Variants in ANKS1B observed in about 807,000 individuals in gnomAD.
The protein encoded by ANKS1B is ankyrin repeat and sterile alpha motif domain containing 1B.
Under a neutral mutation model 148.3 loss-of-function variants are expected in ANKS1B, and 36 were observed. The ratio of observed to expected loss-of-function variants is 0.24; its 90% CI spans 0.19 to 0.32. ANKS1B has a LOEUF of 0.32. Ranked by LOEUF, ANKS1B falls within the 10% of genes least tolerant of loss-of-function variation. ANKS1B has a pLI of 1.00. For missense variants in ANKS1B, 1,157 were observed against 1,542.6 expected (o/e 0.75, Z 4.19); for synonymous variants, 542 against 560.8 (o/e 0.97, Z 0.47).
intron 10 of ANKS1B, among the ~76,000 whole-genome samples, chr12:99,469,691 A>G (rs1392686747): frequency 1.3e-5 from 2 of 152,210 alleles, no homozygotes; most frequent in Non-Finnish European, 2.9e-5. Flanking sequence ...AATACTGATG[A>G]GAACAAAATT....
At chr12:99,286,923 G>A (rs1353182963) in intron 12 of ANKS1B, among the ~76,000 whole-genome samples, 1 of 152,178 alleles carries the variant, frequency 6.6e-6, no homozygotes, top group African/African-American at 2.4e-5. Context: ...CCTAACTCTA[G>A]ACCTGGGCTC....
Position 99,433,881 on chromosome 12 carries a change from T to C in ANKS1B, c.1575+9792A>G, listed in dbSNP as rs2668184. ...TCAGTGAAATTCCAAAAGTTCTCTA[T>C]TTAGAGCACAGTCTCCTTTGGTTGG... On this transcript the variant is annotated intron_variant, in intron 11 of 26. Transcript: ENST00000683438. 6.1e-3 allele frequency among the ~76,000 whole-genome samples: 930 copies of C among 152,256 alleles called. 4 individuals are homozygous for C. Among genetic ancestry groups the C allele is most frequent in the Middle Eastern group, 0.037 (11 of 294 alleles).
intron 14 of ANKS1B, among the ~76,000 whole-genome samples, chr12:99,219,930 T>A (rs571692916): frequency 4.6e-5 from 7 of 152,360 alleles, no homozygotes; most frequent in Admixed American, 1.3e-4. Context: ...TCAAATATTT[T>A]AAAAGTATTG....
At chr12:99,542,852 C>A (rs917417377) in intron 9 of ANKS1B, among the ~76,000 whole-genome samples, 1 of 151,920 alleles carries the variant, frequency 6.6e-6, no homozygotes, top group Admixed American at 6.6e-5. Context: ...ATGAATCAAA[C>A]GCCTAAACGA....
intron 10 of ANKS1B, among the ~76,000 whole-genome samples, chr12:99,454,781 C>T (rs2095818316): frequency 6.6e-6 from 1 of 152,184 alleles, no homozygotes. Flanking sequence ...CCTTCCTCCT[C>T]CCAGGATGAT....
intron 8 of ANKS1B, among the ~76,000 whole-genome samples, chr12:99,762,371 A>T (rs1471824044): frequency 6.6e-6 from 1 of 151,572 alleles, no homozygotes; most frequent in African/African-American, 2.4e-5. Flanking sequence ...CAGAATAGAG[A>T]ACTCAGAAAT....
At chr12:99,643,304 C>T (rs10860481) in intron 9 of ANKS1B, among the ~76,000 whole-genome samples, 12,648 of 152,156 alleles carry the variant, frequency 0.083, 830 homozygotes, top group East Asian at 0.23. Flanking sequence ...ATGAGTCAGA[C>T]GCATCTGTGA....
At chr12:98,952,421 T>C (rs2099855508) in intron 17 of ANKS1B, among the ~76,000 whole-genome samples, 1 of 152,192 alleles carries the variant, frequency 6.6e-6, no homozygotes, top group Admixed American at 6.5e-5. Flanking sequence ...GTCAAAAAGT[T>C]TGTTTTAGTG....
chr12:99,165,403 A>T (rs2077097526), intron 14 of ANKS1B, among the ~76,000 whole-genome samples: 1 of 151,878 alleles, frequency 6.6e-6, no homozygotes, highest in African/African-American at 2.4e-5. Context: ...AGTAAAGGAG[A>T]ATAAAGAAGT....
At chr12:99,808,725 CT>C (rs1245289587) in intron 3 of ANKS1B, among the ~76,000 whole-genome samples, 2 of 152,192 alleles carry the variant, frequency 1.3e-5, no homozygotes, top group East Asian at 3.9e-4. Flanking sequence ...AAATTTCCCC[CT>C]GGTCTGAAAG....
chr12:99,365,952 C>A (rs2092741932), intron 12 of ANKS1B, among the ~76,000 whole-genome samples: 1 of 152,100 alleles, frequency 6.6e-6, no homozygotes, highest in African/African-American at 2.4e-5. Context: ...AAAAAATAAA[C>A]AATTTTTTAC....
rs1030968986 is a variant in ANKS1B, at chr12:98,906,839, T to C, written c.2779-74703A>G. 2.4e-4 allele frequency among the ~76,000 whole-genome samples: 37 copies of C among 152,192 alleles called. 1 individual carries two copies. ...CATATTCATTTGTTTTTTAAATAAT[T>C]TTTGTTTTTATTTTTTTCCAGTTTC... On this transcript the variant is annotated intron_variant, in intron 17 of 26. Coordinates refer to ENST00000683438, the MANE Select transcript of ANKS1B (RefSeq NM_001352186.2).
intron 1 of ANKS1B, among the ~76,000 whole-genome samples, chr12:99,937,338 T>A (rs1321861916): frequency 6.6e-6 from 1 of 152,148 alleles, no homozygotes; most frequent in African/African-American, 2.4e-5. Context: ...CAGCATAGCT[T>A]TGGTGTAAGC....
intron 17 of ANKS1B, among the ~76,000 whole-genome samples, chr12:98,880,675 G>GA (rs1254679173): frequency 6.6e-6 from 1 of 152,194 alleles, no homozygotes; most frequent in Non-Finnish European, 1.5e-5. Flanking sequence ...GACTGAGGCA[G>GA]GAGAATGGCG....
At chr12:98,788,808 C>T (rs1039901319) in intron 22 of ANKS1B, among the ~76,000 whole-genome samples, 1 of 152,234 alleles carries the variant, frequency 6.6e-6, no homozygotes, top group Non-Finnish European at 1.5e-5. Context: ...CATGTAAACT[C>T]GCTGTACTGC....
chr12:99,271,878 A>C (rs983075679), intron 12 of ANKS1B, among the ~76,000 whole-genome samples: 25 of 152,108 alleles, frequency 1.6e-4, no homozygotes, highest in African/African-American at 5.8e-4. Flanking sequence ...TAAATGTTAC[A>C]TCTCATCAGA....
At chr12:99,106,293 T>A (rs1156963826) in intron 15 of ANKS1B, among the ~76,000 whole-genome samples, 1 of 152,162 alleles carries the variant, frequency 6.6e-6, no homozygotes, top group Non-Finnish European at 1.5e-5. Context: ...TGGAAAAAAA[T>A]TTGGAATAGC....
At chr12:99,250,478 C>T (rs145014862) in intron 12 of ANKS1B, among the ~76,000 whole-genome samples, 192 of 152,270 alleles carry the variant, frequency 1.3e-3, no homozygotes, top group African/African-American at 4.1e-3. Flanking sequence ...TTAATACATC[C>T]GCCAGTCCTG....
intron 11 of ANKS1B, among the ~76,000 whole-genome samples, chr12:99,412,715 AG>A (rs1222678475): frequency 6.6e-6 from 1 of 152,170 alleles, no homozygotes; most frequent in African/African-American, 2.4e-5. Flanking sequence ...AGTAAGGAGG[AG>A]GAAAATGTAA....
Sources: allele counts gnomAD v4.1 joint callset (sites outside exome capture counted in the v4.1 genomes callset), GRCh38; gene constraint gnomAD v4.1.1; transcripts MANE v1.5; gene names NCBI Gene and HGNC (gene_info 2026-07-23, HGNC 2026-07-21).